The following SORCS1 variants were observed in gnomAD, a reference collection of about 807,000 sequenced individuals.
SORCS1 encodes the protein VPS10 domain-containing receptor SorCS1.
In SORCS1, 60 loss-of-function variants were observed where a neutral mutation model predicts 146.1. That is an observed-to-expected ratio of 0.41 (90% CI 0.33 to 0.51). The LOEUF (loss-of-function observed/expected upper bound fraction) is 0.51, where lower values mean the gene tolerates loss of function less well. SORCS1 is among the 20% of genes least tolerant of loss of function. The pLI, the probability that SORCS1 is intolerant of heterozygous loss-of-function variation, is 0.21. For missense variants in SORCS1, 1,352 were observed against 1,487.6 expected, an observed-to-expected ratio of 0.91 and a Z score of 1.50; for synonymous variants, 637 against 584.0, an observed-to-expected ratio of 1.09 and a Z score of -1.31.
chr10:106,586,657 G>A (rs1845257107), intron 24 of SORCS1, among the ~76,000 whole-genome samples: 1 of 152,150 alleles, frequency 6.6e-6, no homozygotes, highest in Non-Finnish European at 1.5e-5. Context: ...GGTGAAGAAA[G>A]AATTTATTAG....
intron 21 of SORCS1, among the ~76,000 whole-genome samples, chr10:106,615,154 T>A (rs1847272359): frequency 1.3e-5 from 2 of 152,192 alleles, no homozygotes; most frequent in Admixed American, 1.3e-4. Flanking sequence ...TCTGGAAAAC[T>A]TACAATTGTA....
chr10:107,157,912 A>G (rs1475609388), intron 1 of SORCS1, among the ~76,000 whole-genome samples: 1 of 152,194 alleles, frequency 6.6e-6, no homozygotes, highest in Non-Finnish European at 1.5e-5. Flanking sequence ...CCCCTCCAGG[A>G]GACACAAGTG....
chr10:106,850,056 C>T (rs1247584730), intron 2 of SORCS1, among the ~76,000 whole-genome samples: 4 of 152,090 alleles, frequency 2.6e-5, no homozygotes, highest in Admixed American at 6.6e-5. Flanking sequence ...TGTGCCCTGC[C>T]CCCAGAGGTG....
intron 6 of SORCS1, among the ~76,000 whole-genome samples, chr10:106,719,940 C>A (rs1855666243): frequency 6.6e-6 from 1 of 152,182 alleles, no homozygotes; most frequent in Non-Finnish European, 1.5e-5. Context: ...ATGTACTCTT[C>A]CATTTGTCTG....
At chr10:106,785,695 G>A (rs932857649) in intron 3 of SORCS1, among the ~76,000 whole-genome samples, 2 of 152,184 alleles carry the variant, frequency 1.3e-5, no homozygotes, top group African/African-American at 2.4e-5. Flanking sequence ...GACTATTAAA[G>A]CTTTCCTGAA....
intron 1 of SORCS1, among the ~76,000 whole-genome samples, chr10:107,063,656 A>G (rs2134129977): frequency 6.6e-6 from 1 of 152,344 alleles, no homozygotes; most frequent in Non-Finnish European, 1.5e-5. Flanking sequence ...TGAGTCTAAG[A>G]TAAGCCTGGT....
At chr10:107,022,638 C>T (rs1958199842) in intron 1 of SORCS1, among the ~76,000 whole-genome samples, 1 of 152,142 alleles carries the variant, frequency 6.6e-6, no homozygotes, top group African/African-American at 2.4e-5. Flanking sequence ...CAGTACCAAA[C>T]AAGTGACTTA....
At chr10:106,661,486 T>C (rs765311038) in intron 17 of SORCS1, among the ~76,000 whole-genome samples, 33 of 152,216 alleles carry the variant, frequency 2.2e-4, no homozygotes, top group Non-Finnish European at 3.2e-4. Flanking sequence ...AAACATCAAA[T>C]ACATGTCTGG....
chr10:106,659,934 A>G (rs1415024002), intron 17 of SORCS1, among the ~76,000 whole-genome samples: 1 of 152,176 alleles, frequency 6.6e-6, no homozygotes, highest in Non-Finnish European at 1.5e-5. Flanking sequence ...ACAATTATTG[A>G]GTGTGTGCAG....
intron 23 of SORCS1, among the ~76,000 whole-genome samples, chr10:106,604,780 CTCATTTTTT>C (rs1438354317): frequency 2.6e-5 from 4 of 152,112 alleles, no homozygotes; most frequent in Non-Finnish European, 5.9e-5. Flanking sequence ...TAGGCCTAAA[CTCATTTTTT>C]TCATTTTCCA....
intron 6 of SORCS1, among the ~76,000 whole-genome samples, chr10:106,711,827 C>T (rs984193960): frequency 3.9e-5 from 6 of 152,108 alleles, no homozygotes; most frequent in Admixed American, 2.6e-4. Context: ...AACGATCCTC[C>T]GTCTAGCACA....
At position 106,803,112 on chromosome 10, in the gene SORCS1, C is replaced by T. The variant is rs144618827; in HGVS notation, c.727-26420G>A. Among the ~76,000 whole-genome samples the T allele has an allele frequency of 5.9e-5, 9 of 152,218 alleles. 1 individual carries two copies. The highest frequency in any genetic ancestry group is 4.1e-4 in the South Asian group (2 of 4,820). ...CAATAGTCTGTAACATATGTTGACA[C>T]GACACCAACCTAGAACGCAGACCTT... On this transcript the variant is annotated intron_variant, in intron 3 of 25. Coordinates refer to ENST00000263054, the MANE Select transcript of SORCS1 (RefSeq NM_052918.5).
chr10:107,163,894 C>G, intron 1 of SORCS1, 75 bp downstream of exon 1: 4 of 1,489,282 alleles, frequency 2.7e-6, no homozygotes, highest in Non-Finnish European at 3.6e-6. Flanking sequence ...CCCCCCAATT[C>G]TCCATCAGAT....
At chr10:106,854,041 A>C (rs1275984265) in intron 2 of SORCS1, among the ~76,000 whole-genome samples, 1 of 151,832 alleles carries the variant, frequency 6.6e-6, no homozygotes, top group East Asian at 1.9e-4. Context: ...CATTTTTGAA[A>C]GACGATGTTA....
chr10:106,941,310 T>G (rs1445120933), intron 2 of SORCS1, among the ~76,000 whole-genome samples: 2 of 152,030 alleles, frequency 1.3e-5, no homozygotes, highest in Non-Finnish European at 2.9e-5. Context: ...TAATGTATGT[T>G]TAGTAGGTGA....
At chr10:106,611,809 G>GGCTA in intron 22 of SORCS1, 102 bp downstream of exon 22, 1 of 573,686 alleles carries the variant, frequency 1.7e-6, no homozygotes, top group Non-Finnish European at 2.8e-6. Context: ...CTTCCTGCTG[G>GGCTA]GTTAGTTTGT....
At chr10:106,900,112 C>T (rs74152272) in intron 2 of SORCS1, among the ~76,000 whole-genome samples, 6,513 of 152,054 alleles carry the variant, frequency 0.043, 456 homozygotes, top group African/African-American at 0.15. Flanking sequence ...GCATATTTTC[C>T]GTCAAGAATT....
intron 2 of SORCS1, among the ~76,000 whole-genome samples, chr10:106,916,998 C>T (rs139699317): frequency 0.033 from 5,063 of 152,304 alleles, 257 homozygotes; most frequent in African/African-American, 0.11. Flanking sequence ...CCGCCTCAGC[C>T]TCCCAAAGTG....
At chr10:106,950,652 T>A (rs1954633169) in intron 2 of SORCS1, among the ~76,000 whole-genome samples, 1 of 151,898 alleles carries the variant, frequency 6.6e-6, no homozygotes, top group South Asian at 2.1e-4. Context: ...TATATAATAA[T>A]ATACACATAT....
Sources: allele counts gnomAD v4.1 joint callset (sites outside exome capture counted in the v4.1 genomes callset), GRCh38; gene constraint gnomAD v4.1.1; transcripts MANE v1.5; gene names NCBI Gene and HGNC (gene_info 2026-07-23, HGNC 2026-07-21).